The following CKMT1B variants were observed in gnomAD, a reference collection of about 807,000 sequenced individuals.
CKMT1B encodes creatine kinase U-type, mitochondrial.
CKMT1B carries 13 observed loss-of-function variants against 21.8 expected under a neutral mutation model. That is an observed-to-expected ratio of 0.60 (90% CI 0.39 to 0.95). The LOEUF is 0.95. Among genes scored for constraint, CKMT1B ranks in the 40% least tolerant of loss-of-function variants. The pLI, the probability that CKMT1B is intolerant of heterozygous loss-of-function variation, is 0.00. For synonymous variants in CKMT1B, 50 were observed against 80.3 expected, an observed-to-expected ratio of 0.62 and a Z score of 2.02; for missense variants, 157 against 227.5, an observed-to-expected ratio of 0.69 and a Z score of 1.99.
intron 7 of CKMT1B, 93 bp downstream of exon 7, chr15:43,598,420 T>G (rs1317836898): frequency 2.5e-6 from 4 of 1,582,052 alleles, no homozygotes; most frequent in Non-Finnish European, 3.4e-6. Context: ...GAGCCAAACA[T>G]GTTGTGGCTA....
chr15:43,598,768 C>A lies in CKMT1B; in HGVS notation c.1012-59C>A, dbSNP rs2085625418. On this transcript the variant is annotated intron_variant, in intron 7 of 8. Transcript: ENST00000441322. ...GCTCTGAGCAGGTTCAGGGCTCTTT[C>A]AGGTAGGACTAGTCTCTGCCTCTAT... The A allele has an allele frequency of 5.2e-6, 8 of 1,526,618 alleles. No homozygotes were observed. In the African/African-American group the frequency reaches 5.8e-5, roughly 11 times the overall value. The allele number at this position is 1,526,618 out of a possible 1,614,324, so 94.6% of individuals were successfully genotyped here.
At position 43,597,636 on chromosome 15, in the gene CKMT1B, A is replaced by G. The variant is rs117088361; in HGVS notation, c.877-557A>G. On this transcript the variant is annotated intron_variant, in intron 6 of 8. Coordinates refer to ENST00000441322, the MANE Select transcript of CKMT1B (RefSeq NM_001375484.1). ...CTCTAATAGTCATCTTCATGACTACATGGTTAAGTGAAGCCAAACGCCTTC... is the reference window on the plus strand; with the variant it reads ...CTCTAATAGTCATCTTCATGACTACGTGGTTAAGTGAAGCCAAACGCCTTC... The G allele has an allele frequency of 1.9e-3, 1,690 of 892,556 alleles. 15 individuals are homozygous for G. The highest frequency in any genetic ancestry group is 7.9e-3 in the South Asian group (303 of 38,140). 55.3% of individuals were successfully genotyped at this position (892,556 alleles called of 1,614,324 possible).
chr15:43,597,612 T>A (rs951406526), intron 6 of CKMT1B: 1 of 932,664 alleles, frequency 1.1e-6, no homozygotes, highest in African/African-American at 1.9e-5. Context: ...TCTCTTGAAC[T>A]CTAATAGTCA....
rs2085645579 is a variant in CKMT1B, at chr15:43,599,394, T to C, written c.*121T>C. 1.3e-6 allele frequency: 2 copies of C among 1,490,130 alleles called. No individual in the cohort carries two copies. Among genetic ancestry groups the C allele is most frequent in the Admixed American group, 3.6e-5 (2 of 54,948 alleles). The allele number at this position is 1,490,130 out of a possible 1,614,324, so 92.3% of individuals were successfully genotyped here. ...CTGCCTCCATCCTAGTAAAGACTCC[T>C]TGCTATGCTGCAGCTGTCTGTGTTA... On this transcript the variant is annotated 3_prime_UTR_variant, in exon 9 of 9. Transcript: ENST00000441322.
chr15:43,598,994 G>A, intron 8 of CKMT1B, 42 bp downstream of exon 8: 1 of 1,608,076 alleles, frequency 6.2e-7, no homozygotes, highest in East Asian at 2.2e-5. Flanking sequence ...GTATAGGTCT[G>A]CGAGGGCCGA....
At position 43,596,431 on chromosome 15, in the gene CKMT1B, T is replaced by G; in HGVS notation, c.776T>G (p.Leu259Arg). 1 of 1,587,780 alleles carries G rather than the reference T, an allele frequency of 6.3e-7. No individual in the cohort carries two copies. Among genetic ancestry groups the G allele is most frequent in the Non-Finnish European group, 8.6e-7 (1 of 1,169,274 alleles). ...GIWHNNEKSF[L>R]IWVNEEDHTR... is the part of the protein sequence containing the mutation. ...AGGCACAACAATGAGAAGAGCTTCC[T>G]GATCTGGGTGAATGAGGAGGATCAT... The change falls in exon 6 of 9, where the codon CTG (leucine) becomes CGG (arginine). Residue 259 changes from leucine (L) to arginine (R), a missense_variant. By Grantham distance (102) the Leu-to-Arg change is moderately radical. Coordinates refer to ENST00000441322, the MANE Select transcript of CKMT1B (RefSeq NM_001375484.1).
chr15:43,598,660 G>A (rs1462941984), intron 7 of CKMT1B, among the ~76,000 whole-genome samples, 167 bp from the exon 8 acceptor site: 1 of 147,920 alleles, frequency 6.8e-6, no homozygotes, highest in Admixed American at 6.6e-5. Context: ...GATCACTCCA[G>A]CCTGGGTGAC....
In CKMT1B at chr15:43,598,309, A is replaced by G; in HGVS notation, c.993A>G (p.Lys331=). The G allele has an allele frequency of 6.2e-7, 1 of 1,606,320 alleles. No individual in the cohort carries two copies. Among genetic ancestry groups the G allele is most frequent in the African/African-American group, 1.4e-5 (1 of 71,528 alleles). ...GTGLRAGVHI[K]LPLLSKDSRF... is the part of the protein sequence containing the mutation. Reference sequence around the variant, plus strand: ...GACTTCGGGCAGGAGTGCACATCAAACTGCCCCTGCTAAGCAAAGTAAAGG... The same window carrying G: ...GACTTCGGGCAGGAGTGCACATCAAGCTGCCCCTGCTAAGCAAAGTAAAGG... Residue 331 remains lysine (K), a synonymous_variant, in exon 7 of 9, where the codon AAA becomes AAG. Coordinates refer to ENST00000441322, the MANE Select transcript of CKMT1B (RefSeq NM_001375484.1).
chr15:43,598,060 C>T, intron 6 of CKMT1B, 133 bp from the exon 7 acceptor site: 1 of 1,475,498 alleles, frequency 6.8e-7, no homozygotes, highest in Non-Finnish European at 9.0e-7. Context: ...TAAAAAAAGA[C>T]CAATGTCATT....
rs543762398 is a variant in CKMT1B at position 43,598,303 on chromosome 15, C to T, written c.987C>T (p.His329=). ...GCACTGGACTTCGGGCAGGAGTGCACATCAAACTGCCCCTGCTAAGCAAAG... is the reference window on the plus strand; with the variant it reads ...GCACTGGACTTCGGGCAGGAGTGCATATCAAACTGCCCCTGCTAAGCAAAG... The part of the protein sequence containing the change: ...NLGTGLRAGV[H]IKLPLLSKDS... The change falls in exon 7 of 9, where the codon CAC becomes CAT. Residue 329 remains histidine (H), a synonymous_variant. Coordinates refer to ENST00000441322, the MANE Select transcript of CKMT1B (RefSeq NM_001375484.1). 9.1e-5 allele frequency: 146 copies of T among 1,606,314 alleles called. 3 individuals are homozygous for T. Among genetic ancestry groups the T allele is most frequent in the Non-Finnish European group, 1.2e-4 (144 of 1,178,428 alleles).
chr15:43,598,907 C>T lies in CKMT1B; in HGVS notation c.1092C>T (p.Gly364=), dbSNP rs147081553. The T allele has an allele frequency of 3.7e-4, 602 of 1,609,606 alleles. 7 individuals are homozygous for T. Among genetic ancestry groups the T allele is most frequent in the Non-Finnish European group, 4.6e-4 (547 of 1,179,614 alleles). The change falls in exon 8 of 9, where the codon GGC becomes GGT. Residue 364 remains glycine, a synonymous_variant. Transcript: ENST00000441322. Reference sequence around the variant, plus strand: ...GAGGAGTGGACACTGCTGCTACAGGCGGTGTCTTTGATATTTCTAATTTGG... The same window carrying T: ...GAGGAGTGGACACTGCTGCTACAGGTGGTGTCTTTGATATTTCTAATTTGG... ...GTGGVDTAAT[G]GVFDISNLDR...
chr15:43,598,872 C>T lies in CKMT1B; in HGVS notation c.1057C>T (p.Arg353Cys), dbSNP rs747021769. Residue 353 changes from arginine to cysteine, a missense_variant, in exon 8 of 9, where the codon CGT (arginine) becomes TGT (cysteine). Arg to Cys is a radical substitution (Grantham distance 180). Transcript: ENST00000441322. The part of the protein sequence containing the change: ...KILENLRLQK[R>C]GTGGVDTAAT... The stretch of plus-strand genomic sequence containing the variant: ...CCTGGAGAACCTAAGACTCCAAAAA[C>T]GTGGTACTGGAGGAGTGGACACTGC... The T allele has an allele frequency of 4.4e-6, 7 of 1,608,900 alleles. No individual in the cohort carries two copies. The highest frequency in any genetic ancestry group is 2.3e-5 in the East Asian group (1 of 43,938).
chr15:43,599,003 G>A lies in CKMT1B; in HGVS notation c.1137+51G>A, dbSNP rs369332028. 3.7e-4 allele frequency: 587 copies of A among 1,605,260 alleles called. 3 individuals carry two copies. The highest frequency in any genetic ancestry group is 4.6e-4 in the Non-Finnish European group (539 of 1,175,188). ...GGAGAGGTATAGGTCTGCGAGGGCC[G>A]AAATATGGCAGTGAGTGAGCCTCCG... On this transcript the variant is annotated intron_variant, in intron 8 of 8. Coordinates refer to ENST00000441322, the MANE Select transcript of CKMT1B (RefSeq NM_001375484.1).
rs778621174 is a variant in CKMT1B, at chr15:43,599,244, C to T, written c.1225C>T (p.Pro409Ser). 1.9e-6 allele frequency: 3 copies of T among 1,613,482 alleles called. No individual in the cohort carries two copies. Among genetic ancestry groups the T allele is most frequent in the Non-Finnish European group, 2.5e-6 (3 of 1,179,844 alleles). Reference protein sequence around the residue: ...RLERGQDIRIPTPVIHTKH With the variant: ...RLERGQDIRISTPVIHTKH ...GGAGAGAGGCCAGGATATCCGCATCCCCACACCTGTCATCCACACCAAGCA... is the reference window on the plus strand; with the variant it reads ...GGAGAGAGGCCAGGATATCCGCATCTCCACACCTGTCATCCACACCAAGCA... Residue 409 changes from proline to serine, a missense_variant, in exon 9 of 9, where the codon CCC becomes TCC. Physicochemically the swap from Pro to Ser is moderately conservative, Grantham distance 74 (BLOSUM62 -1). Coordinates refer to ENST00000441322, the MANE Select transcript of CKMT1B (RefSeq NM_001375484.1).
At chr15:43,597,751 G>A (rs1595953034) in intron 6 of CKMT1B, 1 of 1,001,270 alleles carries the variant, frequency 1.0e-6, no homozygotes, top group Non-Finnish European at 1.2e-6. Flanking sequence ...ACAGCTAACA[G>A]AATGTTATCT....
intron 6 of CKMT1B, 52 bp from the exon 7 acceptor site, chr15:43,598,141 G>A (rs966342202): frequency 5.6e-6 from 9 of 1,607,038 alleles, no homozygotes; most frequent in Non-Finnish European, 6.8e-6. Flanking sequence ...GGAGGGTCCA[G>A]GGTTAATGAA....
intron 6 of CKMT1B, chr15:43,597,568 G>A (rs2085591207): frequency 1.9e-6 from 2 of 1,052,752 alleles, no homozygotes; most frequent in South Asian, 1.9e-5. Context: ...GTTGGGTTGT[G>A]GTCTTTGTGA....
At position 43,599,297 on chromosome 15, in the gene CKMT1B, C is replaced by G; in HGVS notation, c.*24C>G. ...AACTCCCCATCGCCAGCTGATGACT[C>G]AAGATTCCCAGGAGTTCTGCTCATT... is the stretch of plus-strand genomic sequence containing the variant. On this transcript the variant is annotated 3_prime_UTR_variant, in exon 9 of 9. Coordinates refer to ENST00000441322, the MANE Select transcript of CKMT1B (RefSeq NM_001375484.1). 6.2e-7 allele frequency: 1 copy of G among 1,613,634 alleles called. No individual in the cohort carries two copies. The highest frequency in any genetic ancestry group is 8.5e-7 in the Non-Finnish European group (1 of 1,179,812).
chr15:43,596,360 C>T, intron 5 of CKMT1B, 48 bp from the exon 6 acceptor site: 1 of 1,455,006 alleles, frequency 6.9e-7, no homozygotes, highest in Non-Finnish European at 9.3e-7. Context: ...CTCTATCTCT[C>T]CCAATTCTTG....
Sources: gnomAD v4.1 joint callset for allele counts (sites outside exome capture counted in the v4.1 genomes callset) on GRCh38, gnomAD v4.1.1 for gene constraint, MANE v1.5 for transcripts, NCBI Gene and HGNC (gene_info 2026-07-23, HGNC 2026-07-21) for gene names.